The following LRRC9 variants were observed in gnomAD, a reference collection of about 807,000 sequenced individuals.
LRRC9 encodes the protein leucine-rich repeat-containing protein 9.
A neutral mutation model predicts 63.2 loss-of-function variants in LRRC9; 122 were observed. The observed-to-expected ratio is 1.93, with a 90% CI of 1.67 to 2.24. LRRC9 has a LOEUF of 2.24. Among genes scored for constraint, LRRC9 ranks in the 30% most tolerant of loss-of-function variants. The probability of loss-of-function intolerance (pLI) is 0.00; values close to 1 mark genes in which losing one functional copy is unlikely to be tolerated. For synonymous variants in LRRC9, 366 were observed against 213.1 expected, an observed-to-expected ratio of 1.72 and a Z score of -6.25; for missense variants, 1,071 against 627.7, an observed-to-expected ratio of 1.71 and a Z score of -7.55.
rs1263582018 is a variant in LRRC9 at position 59,997,525 on chromosome 14, A to G, written c.2212-131A>G. The G allele has an allele frequency of 9.8e-6, 5 of 510,550 alleles. No homozygotes were observed. The East Asian group carries it at 1.2e-4, about 12-fold the overall frequency. 31.6% of individuals were successfully genotyped at this position (510,550 alleles called of 1,614,324 possible). A position where few individuals can be genotyped will look rare whatever the true frequency, so the allele number is the denominator to read the frequency against. ...CATATGTTGATACCATCATTGCAAC[A>G]TAACTACTGTTTATGTGTCCTGTGA... is the stretch of plus-strand genomic sequence containing the variant. On this transcript the variant is annotated intron_variant, in intron 17 of 31. Transcript: ENST00000445360.
At chr14:60,019,336 G>T in intron 26 of LRRC9, 76 bp downstream of exon 26, 1 of 557,854 alleles carries the variant, frequency 1.8e-6, no homozygotes, top group Non-Finnish European at 3.2e-6. Context: ...ATTAATGATA[G>T]CAGTAACACA....
chr14:59,974,787 T>C, intron 13 of LRRC9, 79 bp downstream of exon 13: 1 of 523,854 alleles, frequency 1.9e-6, no homozygotes, highest in South Asian at 2.9e-5. Context: ...TCGTTTCTGA[T>C]ACTTGGTTTT....
At chr14:60,012,480 C>A (rs928685011) in intron 23 of LRRC9, among the ~76,000 whole-genome samples, 6 of 152,094 alleles carry the variant, frequency 3.9e-5, no homozygotes, top group African/African-American at 1.4e-4. Flanking sequence ...ATTAAGGATA[C>A]ATATTCTCAA....
intron 29 of LRRC9, among the ~76,000 whole-genome samples, chr14:60,041,608 C>A (rs1892949808): frequency 6.6e-6 from 1 of 152,152 alleles, no homozygotes; most frequent in East Asian, 1.9e-4. Context: ...CATTTAAGGA[C>A]TTCTCTATAC....
intron 11 of LRRC9, 81 bp from the exon 12 acceptor site, chr14:59,967,015 C>T (rs1295329672): frequency 1.8e-6 from 1 of 542,040 alleles, no homozygotes; most frequent in Non-Finnish European, 3.4e-6. Context: ...ATATCCCTGG[C>T]AGGACATATG....
At chr14:59,960,990 G>C (rs1303103594) in exon 10 of LRRC9, 2 of 696,486 alleles carry the variant, frequency 2.9e-6, no homozygotes, top group South Asian at 1.5e-5. Context: ...TTTGTTAATT[G>C]AGTTAGAGAC....
At position 59,927,445 on chromosome 14, in the gene LRRC9, C is replaced by T. The variant is rs558743381; in HGVS notation, c.-33-466C>T. ...TTACTATGCCAAAAATGTTGCTAAG[C>T]CCTAAGGATTCTTCTCTTTGCAGTC... On this transcript the variant is annotated intron_variant, in intron 1 of 31. Transcript: ENST00000445360. The surrounding 1 kb of genome is among the most constrained non-coding windows in gnomAD (Gnocchi z 4.4). 7.9e-5 allele frequency among the ~76,000 whole-genome samples: 12 copies of T among 152,074 alleles called. 1 individual carries two copies. In the South Asian group the frequency reaches 1.5e-3, roughly 18 times the overall value.
chr14:59,937,865 G>A (rs1207527350), intron 6 of LRRC9, among the ~76,000 whole-genome samples: 1 of 152,058 alleles, frequency 6.6e-6, no homozygotes, highest in African/African-American at 2.4e-5. Flanking sequence ...AGGTAAAACA[G>A]GTGTTTATGG....
rs1468275456 is a variant in LRRC9, at chr14:59,938,185, T to C, written c.544-205T>C. On this transcript the variant is annotated intron_variant, in intron 6 of 31. Coordinates refer to ENST00000445360, the Ensembl canonical transcript of LRRC9. This position sits in a 1 kb window ranked among gnomAD's most constrained non-coding sequence, Gnocchi z 4.2. ...TAAATATTTAAAAGGCATAGTGGTG[T>C]AGCATGTTGTTTAATTATTGTTGAT... is the stretch of plus-strand genomic sequence containing the variant. Among the ~76,000 whole-genome samples the C allele has an allele frequency of 2.0e-5, 3 of 152,182 alleles. No homozygotes were observed. The highest frequency in any genetic ancestry group is 4.4e-5 in the Non-Finnish European group (3 of 68,018).
In LRRC9 at chr14:59,958,248, A is replaced by G. The variant is rs1290015360; in HGVS notation, c.883-1570A>G. 6.6e-6 allele frequency among the ~76,000 whole-genome samples: 1 copy of G among 152,060 alleles called. No homozygotes were observed. Among genetic ancestry groups the G allele is most frequent in the African/African-American group, 2.4e-5 (1 of 41,402 alleles). The stretch of plus-strand genomic sequence containing the variant: ...ATCTGCTGCAGCTGTGCCCACAGCC[A>G]CCCCTTCCACCAGGTGCTCTGTCCC... On this transcript the variant is annotated intron_variant, in intron 8 of 31. Transcript: ENST00000445360. The surrounding 1 kb of genome is among the most constrained non-coding windows in gnomAD (Gnocchi z 4.0).
chr14:59,960,905 C>G lies in LRRC9; in HGVS notation c.1080-9C>G, dbSNP rs1884283646. ...TTCTAATAGCTGTATGTATTTTTCTCTCCAATAGAATTGAAGCAATTTATC... is the reference window on the plus strand; with the variant it reads ...TTCTAATAGCTGTATGTATTTTTCTGTCCAATAGAATTGAAGCAATTTATC... On this transcript the variant is annotated splice_polypyrimidine_tract_variant and intron_variant, in intron 9 of 31. Transcript: ENST00000445360. The G allele has an allele frequency of 1.5e-6, 1 of 651,258 alleles. No individual in the cohort carries two copies. The highest frequency in any genetic ancestry group is 2.5e-5 in the Admixed American group (1 of 40,270). 40.3% of individuals were successfully genotyped at this position (651,258 alleles called of 1,614,324 possible). A position where few individuals can be genotyped will look rare whatever the true frequency, so the allele number is the denominator to read the frequency against.
At chr14:60,010,878 TTG>T (rs779495037) in intron 23 of LRRC9, among the ~76,000 whole-genome samples, 6 of 152,196 alleles carry the variant, frequency 3.9e-5, no homozygotes, top group Non-Finnish European at 7.4e-5. Flanking sequence ...CTGGACCTTA[TTG>T]TCTATATCAC....
intron 15 of LRRC9, among the ~76,000 whole-genome samples, chr14:59,978,610 A>C (rs773250103): frequency 1.2e-4 from 19 of 152,188 alleles, no homozygotes; most frequent in Non-Finnish European, 2.2e-4. Context: ...TTTTCACTTT[A>C]GTACATATAG....
intron 17 of LRRC9, among the ~76,000 whole-genome samples, chr14:59,992,056 ACCC>A (rs1488743645): frequency 5.3e-5 from 8 of 151,956 alleles, no homozygotes; most frequent in African/African-American, 1.4e-4. Context: ...ACTGGGAGGC[ACCC>A]CCCAGTAAGG....
chr14:59,934,218 G>T (rs543437159), intron 6 of LRRC9, among the ~76,000 whole-genome samples: 14 of 152,256 alleles, frequency 9.2e-5, no homozygotes, highest in African/African-American at 3.4e-4. Context: ...TGTTGAATTT[G>T]CAGAATTTCA....
intron 17 of LRRC9, among the ~76,000 whole-genome samples, chr14:59,993,848 C>A (rs960735998): frequency 1.3e-5 from 2 of 152,080 alleles, no homozygotes; most frequent in Non-Finnish European, 1.5e-5. Context: ...ACTTAGACTC[C>A]CACACAATAA....
chr14:59,939,813 G>A (rs1469310786), intron 7 of LRRC9, among the ~76,000 whole-genome samples: 2 of 151,950 alleles, frequency 1.3e-5, no homozygotes, highest in Non-Finnish European at 2.9e-5. Context: ...GGCATGTAAA[G>A]TTTGAACAAT....
rs1889809176 is a variant in LRRC9, at chr14:59,932,768, A to G, written c.543+729A>G. ...TCTCTAACCTGCATTAATGAAAAATATCTTCCTAACAATTTTTCCTGTGTT... is the reference window on the plus strand; with the variant it reads ...TCTCTAACCTGCATTAATGAAAAATGTCTTCCTAACAATTTTTCCTGTGTT... On this transcript the variant is annotated intron_variant, in intron 6 of 31. Transcript: ENST00000445360. The surrounding 1 kb of genome is among the most constrained non-coding windows in gnomAD (Gnocchi z 4.7). Among the ~76,000 whole-genome samples the G allele has an allele frequency of 6.6e-6, 1 of 152,154 alleles. No homozygotes were observed. The highest frequency in any genetic ancestry group is 6.6e-5 in the Admixed American group (1 of 15,252).
chr14:60,019,912 T>A (rs1175896081), intron 26 of LRRC9, among the ~76,000 whole-genome samples: 1 of 151,710 alleles, frequency 6.6e-6, no homozygotes, highest in Non-Finnish European at 1.5e-5. Context: ...CAAATCAGAA[T>A]GCTTTCATTC....
Sources: gnomAD v4.1 joint callset for allele counts (sites outside exome capture counted in the v4.1 genomes callset) on GRCh38, gnomAD v4.1.1 for gene constraint, Gnocchi (gnomAD v3.1) non-coding constraint, MANE v1.5 for transcripts, NCBI Gene and HGNC (gene_info 2026-07-23, HGNC 2026-07-21) for gene names.